The following FAM13A variants were observed in gnomAD, a reference collection of about 807,000 sequenced individuals.
FAM13A encodes family with sequence similarity 13 member A.
In FAM13A, 76 loss-of-function variants were observed where a neutral mutation model predicts 129.6. That is an observed-to-expected ratio of 0.59 (90% CI 0.49 to 0.71). FAM13A has a LOEUF of 0.71. Among genes scored for constraint, FAM13A ranks in the 30% least tolerant of loss-of-function variants. FAM13A has a pLI of 0.00. For synonymous variants in FAM13A, 443 were observed against 449.9 expected, an observed-to-expected ratio of 0.98 and a Z score of 0.20; for missense variants, 1,108 against 1,249.3, an observed-to-expected ratio of 0.89 and a Z score of 1.70.
intron 19 of FAM13A, among the ~76,000 whole-genome samples, chr4:88,746,491 T>C (rs574765879): frequency 1.4e-4 from 21 of 152,314 alleles, no homozygotes; most frequent in African/African-American, 3.8e-4. Context: ...TGCAGAGAGA[T>C]TGAATTCTAA....
At chr4:89,029,420 G>A in intron 2 of FAM13A, 40 bp downstream of exon 2, 4 of 1,473,956 alleles carry the variant, frequency 2.7e-6, no homozygotes, top group Non-Finnish European at 2.8e-6. Context: ...TTATGCAAGG[G>A]ACTGTGAAAA....
intron 19 of FAM13A, 147 bp from the exon 20 acceptor site, chr4:88,739,272 GATA>G: frequency 3.2e-6 from 2 of 619,592 alleles, no homozygotes; most frequent in East Asian, 2.8e-5. Context: ...TATTTAAACT[GATA>G]ATATTATTTA....
chr4:88,810,196 A>C (rs1361780138), intron 7 of FAM13A, among the ~76,000 whole-genome samples: 2 of 152,156 alleles, frequency 1.3e-5, no homozygotes, highest in Non-Finnish European at 2.9e-5. Context: ...ATAGACAAAA[A>C]GACTTCCAAA....
At chr4:88,999,732 C>T (rs562680202) in intron 3 of FAM13A, among the ~76,000 whole-genome samples, 27 of 152,098 alleles carry the variant, frequency 1.8e-4, no homozygotes, top group African/African-American at 6.5e-4. Context: ...CCCCTAAGGG[C>T]CTCAAATTGT....
At chr4:88,880,097 C>G (rs1743271045) in intron 6 of FAM13A, among the ~76,000 whole-genome samples, 5 of 152,052 alleles carry the variant, frequency 3.3e-5, no homozygotes, top group Admixed American at 3.3e-4. Context: ...AAGGGAAGCT[C>G]CGACTTAGAA....
At chr4:88,856,204 G>T (rs548003554) in intron 6 of FAM13A, among the ~76,000 whole-genome samples, 44 of 152,236 alleles carry the variant, frequency 2.9e-4, no homozygotes, top group African/African-American at 9.6e-4. Flanking sequence ...TGTGGACCGG[G>T]CATGGTGGCT....
intron 5 of FAM13A, among the ~76,000 whole-genome samples, chr4:88,924,870 C>A (rs1751821443): frequency 6.6e-6 from 1 of 150,824 alleles, no homozygotes; most frequent in South Asian, 2.1e-4. Flanking sequence ...AAAAAACAAA[C>A]AACCCCATCA....
At chr4:88,884,237 T>C (rs1474905584) in intron 6 of FAM13A, among the ~76,000 whole-genome samples, 1 of 152,054 alleles carries the variant, frequency 6.6e-6, no homozygotes, top group African/African-American at 2.4e-5. Flanking sequence ...ATATCCCTGA[T>C]GAACACAGAT....
chr4:88,862,374 A>G (rs1739630651), intron 6 of FAM13A, among the ~76,000 whole-genome samples: 1 of 152,196 alleles, frequency 6.6e-6, no homozygotes, highest in Non-Finnish European at 1.5e-5. Flanking sequence ...AAAATAAGAA[A>G]TCTGAAATGA....
At position 88,773,264 on chromosome 4, in the gene FAM13A, C is replaced by T. The variant is rs1219740395; in HGVS notation, c.1459-5205G>A. On this transcript the variant is annotated intron_variant, in intron 11 of 23. Transcript: ENST00000264344. ...AAAAACTGTCTTCATCTTGTATTCT[C>T]TCCAACTGCTACCTCGTTTTTCTTC... Among the ~76,000 whole-genome samples the T allele has an allele frequency of 2.6e-5, 4 of 152,304 alleles. No homozygotes were observed. The East Asian group carries it at 7.7e-4, about 29-fold the overall frequency.
chr4:88,838,030 CT>C (rs1174149571), intron 7 of FAM13A, among the ~76,000 whole-genome samples: 1 of 152,152 alleles, frequency 6.6e-6, no homozygotes, highest in Non-Finnish European at 1.5e-5. Context: ...AACAATATAA[CT>C]CTTTAAATAG....
chr4:88,819,288 A>G (rs772733661), intron 7 of FAM13A, among the ~76,000 whole-genome samples: 3 of 152,224 alleles, frequency 2.0e-5, no homozygotes, highest in Non-Finnish European at 4.4e-5. Flanking sequence ...ACTGAAATCA[A>G]AGGAATCCAC....
chr4:88,746,658 C>G (rs893539337), intron 19 of FAM13A, among the ~76,000 whole-genome samples: 5 of 152,170 alleles, frequency 3.3e-5, no homozygotes, highest in African/African-American at 1.2e-4. Flanking sequence ...TCCACCATTC[C>G]TTCCTTTAAA....
intron 5 of FAM13A, 108 bp downstream of exon 5, chr4:88,937,977 GAAT>G (rs1754109216): frequency 1.3e-6 from 1 of 756,254 alleles, no homozygotes; most frequent in South Asian, 1.6e-5. Flanking sequence ...CTATACACAG[GAAT>G]AATAATCTGA....
chr4:88,905,920 A>T (rs6813090), intron 6 of FAM13A, among the ~76,000 whole-genome samples: 2 of 151,998 alleles, frequency 1.3e-5, no homozygotes, highest in African/African-American at 4.8e-5. Flanking sequence ...TACTTCCCTG[A>T]AAAAACAAAC....
intron 3 of FAM13A, among the ~76,000 whole-genome samples, chr4:89,007,871 C>T (rs1194447301): frequency 6.6e-6 from 1 of 152,170 alleles, no homozygotes; most frequent in African/African-American, 2.4e-5. Context: ...AGTAAAATAT[C>T]TACTAGGTAT....
chr4:88,929,528 G>A (rs539706436), intron 5 of FAM13A, among the ~76,000 whole-genome samples: 1 of 151,746 alleles, frequency 6.6e-6, no homozygotes, highest in African/African-American at 2.4e-5. Flanking sequence ...CCAATAATTT[G>A]TAAGTTCAGT....
intron 10 of FAM13A, among the ~76,000 whole-genome samples, chr4:88,781,847 G>C (rs1457857802): frequency 6.7e-6 from 1 of 149,868 alleles, no homozygotes; most frequent in Admixed American, 6.7e-5. Flanking sequence ...TTGTGGGGTG[G>C]GGGGAGCGGG....
intron 7 of FAM13A, among the ~76,000 whole-genome samples, chr4:88,810,775 A>AT (rs1362955284): frequency 3.3e-5 from 5 of 152,146 alleles, no homozygotes; most frequent in African/African-American, 4.8e-5. Context: ...GAGATACAAT[A>AT]TTTTTTTAAA....
Sources: gnomAD v4.1 joint callset for allele counts (sites outside exome capture counted in the v4.1 genomes callset) on GRCh38, gnomAD v4.1.1 for gene constraint, MANE v1.5 for transcripts, NCBI Gene and HGNC (gene_info 2026-07-23, HGNC 2026-07-21) for gene names.